The following ZNF614 variants were observed in gnomAD, a reference collection of about 807,000 sequenced individuals.
ZNF614 encodes the protein zinc finger protein 614.
Under a neutral mutation model 12.8 loss-of-function variants are expected in ZNF614, and 11 were observed. That is an observed-to-expected ratio of 0.86 (90% CI 0.54 to 1.43). The LOEUF is 1.43. Ranked by LOEUF, ZNF614 falls within the 40% of genes most tolerant of loss-of-function variation. ZNF614 has a pLI of 0.00. For missense variants in ZNF614, 664 were observed against 708.8 expected, an observed-to-expected ratio of 0.94 and a Z score of 0.72; for synonymous variants, 237 against 237.5, an observed-to-expected ratio of 1.00 and a Z score of 0.02.
At chr19:52,021,846 G>T (rs1037274442) in intron 2 of ZNF614, among the ~76,000 whole-genome samples, 5 of 151,960 alleles carry the variant, frequency 3.3e-5, no homozygotes, top group African/African-American at 1.2e-4. Context: ...TAAAAGAGAA[G>T]TAAGACTCTA....
intron 2 of ZNF614, among the ~76,000 whole-genome samples, chr19:52,023,923 CCT>C (rs763616976): frequency 2.0e-4 from 31 of 152,118 alleles, no homozygotes; most frequent in Non-Finnish European, 1.2e-4. Flanking sequence ...CCAACCAACC[CCT>C]GACCTCTGTG....
rs377055029 is a variant in ZNF614, at chr19:52,018,140, T to C, written c.143-37A>G. 78 of 1,555,676 alleles carry C rather than the reference T, an allele frequency of 5.0e-5. No individual in the cohort carries two copies. The African/African-American group carries it at 9.0e-4, about 18-fold the overall frequency. On this transcript the variant is annotated intron_variant, in intron 3 of 4. Transcript: ENST00000270649. ...GAAAGACAAACACAAACATCCTGAATTGGAGTCCAGTATGTCAAGATGGAA... is the reference window on the plus strand; with the variant it reads ...GAAAGACAAACACAAACATCCTGAACTGGAGTCCAGTATGTCAAGATGGAA...
rs2086882812 is a variant in ZNF614 at position 52,014,200 on chromosome 19, A to T, written c.*1640T>A. On this transcript the variant is annotated 3_prime_UTR_variant, in exon 5 of 5. Transcript: ENST00000270649. ...TTCTGGAGTATTTTCTGACACAAAT[A>T]AATTCTCTAATTCTCCCACACCAAT... 1 of 152,220 alleles carries T rather than the reference A, an allele frequency of 6.6e-6. No homozygotes were observed. Among genetic ancestry groups the T allele is most frequent in the Non-Finnish European group, 1.5e-5 (1 of 68,040 alleles). 9.4% of individuals were successfully genotyped at this position (152,220 alleles called of 1,614,324 possible).
intron 3 of ZNF614, 40 bp from the exon 4 acceptor site, chr19:52,018,143 G>C: frequency 6.5e-7 from 1 of 1,542,802 alleles, no homozygotes; most frequent in Non-Finnish European, 9.0e-7. Context: ...TCCTGAATTG[G>C]AGTCCAGTAT....
In ZNF614 at chr19:52,014,488, G is replaced by A. The variant is rs1382255985; in HGVS notation, c.*1352C>T. 6.6e-6 allele frequency: 1 copy of A among 152,118 alleles called. No individual in the cohort carries two copies. The highest frequency in any genetic ancestry group is 1.5e-5 in the Non-Finnish European group (1 of 68,022). The allele number at this position is 152,118 out of a possible 1,614,324, so 9.4% of individuals were successfully genotyped here. A position where few individuals can be genotyped will look rare whatever the true frequency, so the allele number is the denominator to read the frequency against. The stretch of plus-strand genomic sequence containing the variant: ...TCCGAGTTCCCACTGCCCTACTCAG[G>A]TTTGATAATTTGCTACAGGGCTCAC... On this transcript the variant is annotated 3_prime_UTR_variant, in exon 5 of 5. Coordinates refer to ENST00000270649, the MANE Select transcript of ZNF614 (RefSeq NM_025040.4).
At chr19:52,023,078 C>CAAAAAAAAAAAAAG (rs1295433295) in intron 2 of ZNF614, among the ~76,000 whole-genome samples, 3 of 43,306 alleles carry the variant, frequency 6.9e-5, no homozygotes, top group South Asian at 7.4e-4. Context: ...GACGCCATCT[C>CAAAAAAAAAAAAAG]AAAAAAAAAA....
intron 2 of ZNF614, among the ~76,000 whole-genome samples, chr19:52,024,135 T>A (rs921268499): frequency 9.9e-5 from 15 of 152,126 alleles, no homozygotes; most frequent in African/African-American, 2.4e-5. Flanking sequence ...ACCTGACCTA[T>A]GCATCTTTTC....
chr19:52,022,796 ACAGC>A (rs2086940519), intron 2 of ZNF614, among the ~76,000 whole-genome samples: 1 of 152,138 alleles, frequency 6.6e-6, no homozygotes, highest in Non-Finnish European at 1.5e-5. Context: ...TAACTGAGGA[ACAGC>A]CAGACTGAAG....
chr19:52,016,759 GT>G lies in ZNF614; in HGVS notation c.838del (p.Thr280ProfsTer19). ...CATATAGGATTTCTCTTCTGTATGG[GT>G]TTGTTGATGTGTAATGAGACTACTC... ...VKSSLITHQQTHTEEKSYMCS... is the reference protein window; with the variant it reads ...VKSSLITHQQXHTEEKSYMCS... On this transcript the variant is annotated frameshift_variant, in exon 5 of 5. Transcript: ENST00000270649. LOFTEE classifies it low-confidence loss of function (END_TRUNC). 1 of 1,614,140 alleles carries G rather than the reference GT, an allele frequency of 6.2e-7. No individual in the cohort carries two copies. Among genetic ancestry groups the G allele is most frequent in the Non-Finnish European group, 8.5e-7 (1 of 1,180,050 alleles).
In ZNF614 at chr19:52,017,048, T is replaced by G. The variant is rs753613935; in HGVS notation, c.550A>C (p.Lys184Gln). Reference sequence around the variant, plus strand: ...ACTTGGAATTTAGTATGGATACATTTTGCATTTTCAGAAAATCTAGTTTTA... The same window carrying G: ...ACTTGGAATTTAGTATGGATACATTGTGCATTTTCAGAAAATCTAGTTTTA... ...HTKTRFSENA[K>Q]CIHTKFQVFK... The change falls in exon 5 of 5, where the codon AAA becomes CAA. Residue 184 changes from lysine to glutamine, a missense_variant. By Grantham distance (53) the Lys-to-Gln change is moderately conservative (BLOSUM62 1). Coordinates refer to ENST00000270649, the MANE Select transcript of ZNF614 (RefSeq NM_025040.4). 6 of 1,614,048 alleles carry G rather than the reference T, an allele frequency of 3.7e-6. No homozygotes were observed. The East Asian group carries it at 1.3e-4, about 36-fold the overall frequency.
chr19:52,022,098 A>G (rs1236764173), intron 2 of ZNF614, among the ~76,000 whole-genome samples: 1 of 152,228 alleles, frequency 6.6e-6, no homozygotes, highest in African/African-American at 2.4e-5. Context: ...ATTTGATAAC[A>G]TAGTAAGTGT....
chr19:52,024,880 C>T (rs911594308), intron 2 of ZNF614, among the ~76,000 whole-genome samples: 1 of 152,150 alleles, frequency 6.6e-6, no homozygotes, highest in East Asian at 1.9e-4. Context: ...AAGACCTGAC[C>T]GTCCCCCAGC....
At chr19:52,019,010 AG>A (rs2086918189) in intron 2 of ZNF614, among the ~76,000 whole-genome samples, 1 of 152,132 alleles carries the variant, frequency 6.6e-6, no homozygotes, top group Non-Finnish European at 1.5e-5. Flanking sequence ...CTAGGACTAC[AG>A]GTGGATGCTA....
Position 52,016,665 on chromosome 19 carries a change from T to C in ZNF614, c.933A>G (p.Gly311=). 1.2e-6 allele frequency: 2 copies of C among 1,614,222 alleles called. No individual in the cohort carries two copies. Among genetic ancestry groups the C allele is most frequent in the Non-Finnish European group, 1.7e-6 (2 of 1,180,040 alleles). Residue 311 remains glycine, a synonymous_variant, in exon 5 of 5, where the codon GGA becomes GGG. Coordinates refer to ENST00000270649, the MANE Select transcript of ZNF614 (RefSeq NM_025040.4). ...YLIAHQRTHS[G]EKPYVCKECG... is the part of the protein sequence containing the mutation. ...ATTCTTTGCACACATAAGGTTTCTC[T>C]CCACTATGAGTTCGCTGATGAGCAA...
intron 2 of ZNF614, among the ~76,000 whole-genome samples, chr19:52,022,577 A>C (rs1324602321): frequency 1.3e-5 from 2 of 150,742 alleles, no homozygotes; most frequent in Admixed American, 1.3e-4. Flanking sequence ...AAATTTTTAA[A>C]TTGGAGAATA....
intron 4 of ZNF614, 35 bp from the exon 5 acceptor site, chr19:52,017,394 G>A (rs1421668070): frequency 6.5e-7 from 1 of 1,544,006 alleles, no homozygotes; most frequent in Non-Finnish European, 8.7e-7. Context: ...TCTTCCATGA[G>A]AATTGTATGA....
At chr19:52,027,794 C>T (rs538689666) in intron 1 of ZNF614, among the ~76,000 whole-genome samples, 4 of 152,286 alleles carry the variant, frequency 2.6e-5, no homozygotes, top group African/African-American at 9.6e-5. Context: ...CTACATTACC[C>T]TACTTGCAAT....
chr19:52,018,763 AC>A (rs2086916642), intron 2 of ZNF614, among the ~76,000 whole-genome samples: 1 of 152,230 alleles, frequency 6.6e-6, no homozygotes, highest in Non-Finnish European at 1.5e-5. Flanking sequence ...AATAGACTTC[AC>A]ATCTTGAATT....
intron 3 of ZNF614, 121 bp downstream of exon 3, chr19:52,018,247 G>A (rs1473730192): frequency 6.6e-7 from 1 of 1,524,096 alleles, no homozygotes; most frequent in Non-Finnish European, 9.1e-7. Flanking sequence ...GGGTCAGAGA[G>A]GGGACTGAAA....
Sources: allele counts gnomAD v4.1 joint callset (sites outside exome capture counted in the v4.1 genomes callset), GRCh38; gene constraint gnomAD v4.1.1; transcripts MANE v1.5; gene names NCBI Gene and HGNC (gene_info 2026-07-23, HGNC 2026-07-21).